The following TEX11 variants were observed in gnomAD, a reference collection of about 807,000 sequenced individuals.
TEX11 encodes testis expressed 11.
TEX11 carries 7 observed loss-of-function variants against 84.4 expected under a neutral mutation model. The observed-to-expected ratio is 0.08, with a 90% confidence interval of 0.05 to 0.16. The LOEUF is 0.16. Ranked by LOEUF, TEX11 falls within the 10% of genes least tolerant of loss-of-function variation. The pLI is 1.00. For missense variants in TEX11, 551 were observed against 660.5 expected (o/e 0.83, Z 1.82); for synonymous variants, 264 against 222.8 (o/e 1.18, Z -1.64).
chrX:70,729,601 T>G lies in TEX11; in HGVS notation c.844-4258A>C, dbSNP rs181360934. Among the ~76,000 whole-genome samples, 285 of 110,290 alleles carry G rather than the reference T, an allele frequency of 2.6e-3. 1 individual carries two copies. The highest frequency in any genetic ancestry group is 8.7e-3 in the African/African-American group (265 of 30,306). ...GAATGAAATGAAGCGAGAAGAGAAGTTTAGAGAAAAAAGAATAAAAAGAAA... is the reference window on the plus strand; with the variant it reads ...GAATGAAATGAAGCGAGAAGAGAAGGTTAGAGAAAAAAGAATAAAAAGAAA... On this transcript the variant is annotated intron_variant, in intron 11 of 29. Transcript: ENST00000374333.
intron 7 of TEX11, among the ~76,000 whole-genome samples, chrX:70,843,229 T>C (rs2091458033): frequency 9.0e-6 from 1 of 111,644 alleles, no homozygotes; most frequent in Non-Finnish European, 1.9e-5. Flanking sequence ...CTTCAAACTA[T>C]ACTACAAGGC....
intron 7 of TEX11, among the ~76,000 whole-genome samples, chrX:70,849,773 A>G: frequency 8.9e-6 from 1 of 112,248 alleles, no homozygotes; most frequent in East Asian, 2.8e-4. Context: ...AAAGTCAAGA[A>G]TTATATAGTT....
rs1193952485 is a variant in TEX11 at position 70,898,706 on chromosome X, C to T, written c.37+9047G>A. On this transcript the variant is annotated intron_variant, in intron 2 of 29. Coordinates refer to ENST00000374333, the MANE Select transcript of TEX11 (RefSeq NM_031276.3). ...CTGCAAGCTCCGCCTCCCGGGTTCA[C>T]GCCATTCTCCTGCCTCAGCCTCCCG... Among the ~76,000 whole-genome samples the T allele has an allele frequency of 2.7e-5, 3 of 109,214 alleles. 1 individual carries two copies. The Admixed American group carries it at 3.0e-4, about 11-fold the overall frequency. The allele number at this position is 109,214 out of a possible 115,157, so 94.8% of individuals were successfully genotyped here.
chrX:70,518,664 G>T, the TEX11 span, among the ~76,000 whole-genome samples: 2 of 111,467 alleles, frequency 1.8e-5, no homozygotes, highest in Admixed American at 9.6e-5. Flanking sequence ...GTGAGTTCAA[G>T]TCCTGGATAT....
intron 25 of TEX11, among the ~76,000 whole-genome samples, chrX:70,583,326 T>C (rs12559393): frequency 0.077 from 8,529 of 111,332 alleles, 410 homozygotes; most frequent in Admixed American, 0.24. Context: ...ATACTTTATT[T>C]AGCTCCCACT....
rs187659027 is a variant in TEX11 at position 70,806,655 on chromosome X, C to T, written c.692+50G>A. 6.2e-4 allele frequency: 533 copies of T among 862,171 alleles called. 1 individual carries two copies. The highest frequency in any genetic ancestry group is 1.4e-3 in the East Asian group (41 of 29,668). The allele number at this position is 862,171 out of a possible 1,213,427, so 71.1% of individuals were successfully genotyped here. On this transcript the variant is annotated intron_variant, in intron 9 of 29. Coordinates refer to ENST00000374333, the MANE Select transcript of TEX11 (RefSeq NM_031276.3). ...GTACTCTACAGTAAATATTAACTGA[C>T]ATCTATGATAATATTCCCGAGTTTA...
chrX:70,551,827 A>G (rs2088218821), intron 28 of TEX11, among the ~76,000 whole-genome samples: 1 of 112,092 alleles, frequency 8.9e-6, no homozygotes, highest in African/African-American at 3.2e-5. Context: ...CAAAAGGTTC[A>G]TATCATCACA....
chrX:70,687,887 A>AAAGGAAGG (rs200150715), intron 13 of TEX11, among the ~76,000 whole-genome samples: 1 of 108,175 alleles, frequency 9.2e-6, no homozygotes, highest in Non-Finnish European at 1.9e-5. Context: ...AAAAGAAAGA[A>AAAGGAAGG]AAGGAAGGAA....
At chrX:70,513,389 T>G in the TEX11 span, among the ~76,000 whole-genome samples, 1 of 105,127 alleles carries the variant, frequency 9.5e-6, no homozygotes, top group South Asian at 3.9e-4. Flanking sequence ...ACATAATATA[T>G]GTAATGTATA....
chrX:70,837,793 T>G lies in TEX11; in HGVS notation c.526-4200A>C, dbSNP rs899350214. ...AAGGGGTATCCCTATAAAGGGGTTA[T>G]GTAAAGAATCTGTGTGGTAATGAAA... is the stretch of plus-strand genomic sequence containing the variant. On this transcript the variant is annotated intron_variant, in intron 7 of 29. Transcript: ENST00000374333. 6.3e-5 allele frequency among the ~76,000 whole-genome samples: 7 copies of G among 111,911 alleles called. No individual in the cohort carries two copies. The Admixed American group carries it at 6.7e-4, about 11-fold the overall frequency.
At chrX:70,624,054 CAT>C (rs1447134356) in intron 19 of TEX11, 48 bp from the exon 20 acceptor site, 4 of 1,067,383 alleles carry the variant, frequency 3.7e-6, no homozygotes, top group South Asian at 2.1e-5. Context: ...TAGGAAGAAA[CAT>C]GTGTGAATGA....
intron 19 of TEX11, 31 bp downstream of exon 19, chrX:70,624,808 C>T (rs2089432893): frequency 1.8e-6 from 2 of 1,116,698 alleles, no homozygotes; most frequent in South Asian, 2.0e-5. Flanking sequence ...AGAGGAAATA[C>T]TTTCTCTTCC....
At chrX:70,624,423 A>T (rs746116806) in intron 19 of TEX11, among the ~76,000 whole-genome samples, 194 of 111,858 alleles carry the variant, frequency 1.7e-3, no homozygotes, top group African/African-American at 4.5e-3. Context: ...CTGGCAGCAT[A>T]ATGACAAACT....
At chrX:70,785,077 T>C (rs2091068967) in intron 9 of TEX11, among the ~76,000 whole-genome samples, 1 of 111,957 alleles carries the variant, frequency 8.9e-6, no homozygotes, top group Non-Finnish European at 1.9e-5. Flanking sequence ...CTTCAAACTA[T>C]ACTACAAGTC....
At chrX:70,687,375 T>C (rs1185714125) in intron 13 of TEX11, among the ~76,000 whole-genome samples, 4 of 111,844 alleles carry the variant, frequency 3.6e-5, no homozygotes, top group Non-Finnish European at 7.5e-5. Context: ...TTCACATTTA[T>C]GTAACTGTCT....
chrX:70,685,736 C>G (rs930898427), intron 13 of TEX11, among the ~76,000 whole-genome samples: 9 of 112,055 alleles, frequency 8.0e-5, no homozygotes, highest in African/African-American at 2.9e-4. Context: ...TCGCCAGCAT[C>G]TGTTGTTTTT....
intron 4 of TEX11, among the ~76,000 whole-genome samples, chrX:70,861,992 A>AT (rs1343963033): frequency 3.7e-5 from 4 of 108,304 alleles, no homozygotes; most frequent in Non-Finnish European, 5.7e-5. Flanking sequence ...ATATATATAT[A>AT]TTTTTTTCTG....
intron 16 of TEX11, among the ~76,000 whole-genome samples, chrX:70,667,233 G>C (rs1278652197): frequency 8.9e-6 from 1 of 112,026 alleles, no homozygotes; most frequent in Admixed American, 9.5e-5. Flanking sequence ...CACAACAACA[G>C]AGTTGATTAG....
chrX:70,832,642 T>A (rs919181685), intron 8 of TEX11, among the ~76,000 whole-genome samples: 1 of 111,941 alleles, frequency 8.9e-6, no homozygotes, highest in African/African-American at 3.2e-5. Flanking sequence ...TCTCCATTAT[T>A]AATCCCTCTG....
Sources: gnomAD v4.1 joint callset for allele counts (sites outside exome capture counted in the v4.1 genomes callset) on GRCh38, gnomAD v4.1.1 for gene constraint, MANE v1.5 for transcripts, NCBI Gene and HGNC (gene_info 2026-07-23, HGNC 2026-07-21) for gene names.